The following NOC3L variants were observed in gnomAD, a reference collection of about 807,000 sequenced individuals.
The protein encoded by NOC3L is NOC3 like DNA replication regulator.
NOC3L carries 85 observed loss-of-function variants against 102.5 expected under a neutral mutation model. That is an observed-to-expected ratio of 0.83 (90% CI 0.70 to 0.99). The LOEUF is 0.99. NOC3L is among the 50% of genes least tolerant of loss of function. The probability of loss-of-function intolerance (pLI) is 0.00; values close to 1 mark genes in which losing one functional copy is unlikely to be tolerated. For missense variants in NOC3L, 878 were observed against 914.9 expected (o/e 0.96, Z 0.52); for synonymous variants, 303 against 309.4 (o/e 0.98, Z 0.22).
At chr10:94,316,675 AGAG>A in the NOC3L span, 3 of 1,614,012 alleles carry the variant, frequency 1.9e-6, no homozygotes, top group Non-Finnish European at 2.5e-6. Context: ...TTGGTCCAGA[AGAG>A]GAGATCATGC....
chr10:94,351,438 G>A (rs2054416505), intron 8 of NOC3L, among the ~76,000 whole-genome samples: 1 of 152,132 alleles, frequency 6.6e-6, no homozygotes, highest in African/African-American at 2.4e-5. Context: ...TTCCTTTTCT[G>A]AAGAGTTTAA....
At chr10:94,324,379 A>C in the NOC3L span, 1 of 1,614,180 alleles carries the variant, frequency 6.2e-7, no homozygotes, top group Non-Finnish European at 8.5e-7. Flanking sequence ...TTCCTACAGC[A>C]TCCTGAGCAA....
At chr10:94,359,877 A>G (rs2054532778) in intron 2 of NOC3L, among the ~76,000 whole-genome samples, 1 of 152,144 alleles carries the variant, frequency 6.6e-6, no homozygotes, top group Admixed American at 6.5e-5. Flanking sequence ...TATATAATCC[A>G]TCAATCCCAC....
At chr10:94,318,373 T>G in the NOC3L span, among the ~76,000 whole-genome samples, 2 of 152,218 alleles carry the variant, frequency 1.3e-5, no homozygotes, top group Non-Finnish European at 2.9e-5. Context: ...GTATGTATCC[T>G]CTAAGCGATG....
At chr10:94,349,117 T>C (rs1297733879) in intron 10 of NOC3L, 133 bp downstream of exon 10, 3 of 909,484 alleles carry the variant, frequency 3.3e-6, no homozygotes, top group Non-Finnish European at 4.8e-6. Context: ...TTTCAGGAGT[T>C]GACATGTTAA....
At chr10:94,335,772 C>G (rs888690703) in intron 19 of NOC3L, among the ~76,000 whole-genome samples, 1 of 152,100 alleles carries the variant, frequency 6.6e-6, no homozygotes, top group Non-Finnish European at 1.5e-5. Context: ...GAAAAATCGG[C>G]CTGGCCCACA....
At chr10:94,354,809 A>C (rs939983118) in intron 6 of NOC3L, among the ~76,000 whole-genome samples, 154 bp downstream of exon 6, 5 of 152,268 alleles carry the variant, frequency 3.3e-5, no homozygotes, top group Non-Finnish European at 7.3e-5. Context: ...GCATTAAGCT[A>C]AGATTCTGTC....
intron 9 of NOC3L, 29 bp from the exon 10 acceptor site, chr10:94,349,407 G>C: frequency 6.4e-7 from 1 of 1,563,696 alleles, no homozygotes; most frequent in Non-Finnish European, 8.6e-7. Flanking sequence ...TACTTAACCA[G>C]TGTTTCTCAA....
intron 5 of NOC3L, among the ~76,000 whole-genome samples, chr10:94,356,009 A>T (rs1208807555): frequency 2.0e-5 from 3 of 152,206 alleles, no homozygotes; most frequent in African/African-American, 7.2e-5. Flanking sequence ...AGCGAAAGTA[A>T]AATTTAACTA....
At chr10:94,360,990 G>T (rs75254349) in intron 2 of NOC3L, among the ~76,000 whole-genome samples, 334 of 152,202 alleles carry the variant, frequency 2.2e-3, no homozygotes, top group African/African-American at 7.3e-3. Context: ...CAGCCTGGGT[G>T]ACAGAACAAG....
chr10:94,358,141 G>C lies in NOC3L; in HGVS notation c.292C>G (p.Gln98Glu). 1 of 1,611,814 alleles carries C rather than the reference G, an allele frequency of 6.2e-7. No homozygotes were observed. The highest frequency in any genetic ancestry group is 8.5e-7 in the Non-Finnish European group (1 of 1,178,462). ...PLDMMDEDDLQLMKDLGQRVS... is the reference protein window; with the variant it reads ...PLDMMDEDDLELMKDLGQRVS... The stretch of plus-strand genomic sequence containing the variant: ...CTTTGTCCTAAATCCTTCATTAACT[G>C]TAAGTCATCTTCATCCATCATATCT... The change falls in exon 3 of 21, where the codon CAG becomes GAG. Residue 98 changes from glutamine to glutamate, a missense_variant. Gln to Glu is a conservative substitution (Grantham distance 29, BLOSUM62 2). Transcript: ENST00000371361.
At chr10:94,332,576 T>A (rs1171563289), downstream of NOC3L, 1 of 151,940 alleles carries the variant, frequency 6.6e-6, no homozygotes, top group African/African-American at 2.4e-5. Context: ...TATAAGCGTA[T>A]GTAAGTTAAT....
In NOC3L at chr10:94,344,483, G is replaced by C. The variant is rs752276709; in HGVS notation, c.1503C>G (p.Thr501=). ...HTETLNIVFV[T]YFRILKKAQR... ...GGGCCTTCTTCAATATTCTGAAGTA[G>C]GTTACAAACACAATATTCAGAGTCT... The change falls in exon 13 of 21, where the codon ACC becomes ACG. Residue 501 remains threonine (T), a synonymous_variant. Coordinates refer to ENST00000371361, the MANE Select transcript of NOC3L (RefSeq NM_022451.11). 8.1e-6 allele frequency: 13 copies of C among 1,613,608 alleles called. 1 individual carries two copies. In the Admixed American group the frequency reaches 2.2e-4, roughly 27 times the overall value.
chr10:94,322,278 C>T, the NOC3L span, among the ~76,000 whole-genome samples: 3 of 151,766 alleles, frequency 2.0e-5, no homozygotes, highest in Non-Finnish European at 2.9e-5. Flanking sequence ...TACTTGAGCA[C>T]AGGAGTTGGA....
chr10:94,334,866 A>G (rs2054200810), intron 19 of NOC3L, 148 bp from the exon 20 acceptor site: 1 of 621,158 alleles, frequency 1.6e-6, no homozygotes, highest in Admixed American at 3.0e-5. Context: ...TCACTTAACA[A>G]ATTCTAAATT....
chr10:94,330,636 G>A (rs556243434), downstream of NOC3L: 2 of 150,976 alleles, frequency 1.3e-5, no homozygotes, highest in African/African-American at 4.9e-5. Flanking sequence ...AGGTTGCAGT[G>A]AGTGGAGACT....
chr10:94,340,510 AGGG>A lies in NOC3L; in HGVS notation c.1645-17_1645-15del. On this transcript the variant is annotated splice_polypyrimidine_tract_variant and intron_variant, in intron 14 of 20. Coordinates refer to ENST00000371361, the MANE Select transcript of NOC3L (RefSeq NM_022451.11). ...ATAGCTTAGGTCCTTTAAAAAAAAA[AGGG>A]GGGGGTGAGGGGGATGGAATATTAA... 1.4e-6 allele frequency: 1 copy of A among 716,408 alleles called. No individual in the cohort carries two copies. The highest frequency in any genetic ancestry group is 2.2e-6 in the Non-Finnish European group (1 of 446,182). 44.4% of individuals were successfully genotyped at this position (716,408 alleles called of 1,614,324 possible).
intron 17 of NOC3L, 42 bp downstream of exon 17, chr10:94,339,697 C>A: frequency 2.0e-6 from 3 of 1,488,508 alleles, no homozygotes; most frequent in South Asian, 2.6e-5. Flanking sequence ...AAAATCATTG[C>A]ATTATAAGAA....
chr10:94,340,691 A>G (rs1188432434), intron 14 of NOC3L, among the ~76,000 whole-genome samples, 195 bp from the exon 15 acceptor site: 1 of 151,904 alleles, frequency 6.6e-6, no homozygotes, highest in Non-Finnish European at 1.5e-5. Context: ...GCAAAAACCC[A>G]TCTCTCAGGG....
Sources: gnomAD v4.1 joint callset for allele counts (sites outside exome capture counted in the v4.1 genomes callset) on GRCh38, gnomAD v4.1.1 for gene constraint, MANE v1.5 for transcripts, NCBI Gene and HGNC (gene_info 2026-07-23, HGNC 2026-07-21) for gene names.